The following MCC variants were observed in gnomAD, a reference collection of about 807,000 sequenced individuals.
MCC encodes MCC regulator of Wnt signaling pathway.
MCC carries 90 observed loss-of-function variants against 116.2 expected under a neutral mutation model. That is an observed-to-expected ratio of 0.77 (90% confidence interval 0.65 to 0.92). The LOEUF (loss-of-function observed/expected upper bound fraction) is 0.92, where lower values mean the gene tolerates loss of function less well. Ranked by LOEUF, MCC falls within the 40% of genes least tolerant of loss-of-function variation. The pLI is 0.00. For synonymous variants in MCC, 578 were observed against 510.5 expected (o/e 1.13, Z -1.78); for missense variants, 1,516 against 1,312.2 (o/e 1.16, Z -2.40).
intron 1 of MCC, among the ~76,000 whole-genome samples, chr5:113,446,723 G>A (rs1443845349): frequency 6.6e-6 from 1 of 151,876 alleles, no homozygotes; most frequent in African/African-American, 2.4e-5. Flanking sequence ...CATGCCACAT[G>A]TTCTCACCTA....
At chr5:113,328,509 T>C (rs573238124) in intron 3 of MCC, among the ~76,000 whole-genome samples, 8 of 152,316 alleles carry the variant, frequency 5.3e-5, no homozygotes, top group Admixed American at 5.2e-4. Flanking sequence ...CACTTTTAAG[T>C]CTAGCTGAAA....
rs555450468 is a variant in MCC, at chr5:113,071,334, T to C, written c.1785-100A>G. ...TTCAGGGCAGAAAAGCATGTGAGGA[T>C]GTGGGCCTGTCAGATTAGTAGCTGA... On this transcript the variant is annotated intron_variant, in intron 11 of 18. Transcript: ENST00000408903. 62 of 1,275,786 alleles carry C rather than the reference T, an allele frequency of 4.9e-5. 1 individual carries two copies. In the East Asian group the frequency reaches 1.4e-3, roughly 30 times the overall value. 79.0% of individuals were successfully genotyped at this position (1,275,786 alleles called of 1,614,324 possible).
chr5:113,295,647 C>A (rs1454769385), intron 3 of MCC, among the ~76,000 whole-genome samples: 1 of 152,158 alleles, frequency 6.6e-6, no homozygotes, highest in Non-Finnish European at 1.5e-5. Context: ...ATACCCAGTA[C>A]ACCCCTGGGA....
intron 6 of MCC, among the ~76,000 whole-genome samples, chr5:113,110,007 C>G (rs1431537925): frequency 6.6e-6 from 1 of 151,756 alleles, no homozygotes; most frequent in African/African-American, 2.4e-5. Flanking sequence ...TCTCCAGAGA[C>G]AGGATCTCAT....
intron 2 of MCC, 144 bp from the exon 3 acceptor site, chr5:113,340,874 C>A: frequency 3.0e-6 from 2 of 667,340 alleles, no homozygotes; most frequent in Non-Finnish European, 5.0e-6. Flanking sequence ...GCATGCTAAG[C>A]GCTTTCTCTT....
chr5:113,081,235 A>G (rs550362901), intron 11 of MCC, among the ~76,000 whole-genome samples: 1 of 152,324 alleles, frequency 6.6e-6, no homozygotes, highest in East Asian at 1.9e-4. Flanking sequence ...AGAGATGACA[A>G]TGGAGGTGAG....
intron 3 of MCC, among the ~76,000 whole-genome samples, chr5:113,315,825 C>T (rs1225392083): frequency 6.6e-6 from 1 of 151,988 alleles, no homozygotes; most frequent in Non-Finnish European, 1.5e-5. Flanking sequence ...CTGCAGTGAG[C>T]CATGATCACA....
chr5:113,251,283 G>A (rs769662772), intron 3 of MCC, among the ~76,000 whole-genome samples: 10 of 152,200 alleles, frequency 6.6e-5, no homozygotes, highest in African/African-American at 1.2e-4. Context: ...CACTGTCTGC[G>A]TTTTTTTAAG....
chr5:113,123,267 G>C lies in MCC; in HGVS notation c.885-441C>G, dbSNP rs556186826. On this transcript the variant is annotated intron_variant, in intron 5 of 18. Transcript: ENST00000408903. ...GGGGCTTCCTTCTTGAAGGAGGCTGGAGGTTGGAGATGGGGTTAGAGCTAT... is the reference window on the plus strand; with the variant it reads ...GGGGCTTCCTTCTTGAAGGAGGCTGCAGGTTGGAGATGGGGTTAGAGCTAT... Among the ~76,000 whole-genome samples, 171 of 152,360 alleles carry C rather than the reference G, an allele frequency of 1.1e-3. 1 individual carries two copies. The highest frequency in any genetic ancestry group is 3.9e-3 in the African/African-American group (161 of 41,586).
intron 3 of MCC, among the ~76,000 whole-genome samples, chr5:113,185,683 C>G (rs186814127): frequency 6.6e-6 from 1 of 152,322 alleles, no homozygotes. Context: ...AAACTTCAAC[C>G]TCTCTTGAGT....
chr5:113,043,736 G>A (rs1751885756), intron 16 of MCC, 106 bp from the exon 17 acceptor site: 1 of 752,418 alleles, frequency 1.3e-6, no homozygotes. Flanking sequence ...TGGCAGCAGT[G>A]TGGGCACCGG....
At chr5:113,435,209 T>TGTC in intron 1 of MCC, 1 of 217,198 alleles carries the variant, frequency 4.6e-6, no homozygotes, top group Non-Finnish European at 9.3e-6. Context: ...TGCCCATGCT[T>TGTC]CCAAACCCAG....
chr5:113,357,566 C>T (rs192940960), intron 2 of MCC, among the ~76,000 whole-genome samples: 5 of 152,172 alleles, frequency 3.3e-5, no homozygotes, highest in African/African-American at 9.6e-5. Flanking sequence ...AGGCAGTCTC[C>T]CAATAGACAG....
At chr5:113,074,018 T>C (rs1244817722) in intron 11 of MCC, among the ~76,000 whole-genome samples, 3 of 152,226 alleles carry the variant, frequency 2.0e-5, no homozygotes, top group African/African-American at 7.2e-5. Flanking sequence ...GTCTGACAGC[T>C]ATGAAGAGAG....
chr5:113,327,583 TATAA>T lies in MCC; in HGVS notation c.627+12932_627+12935del, dbSNP rs1218478412. 1.2e-3 allele frequency among the ~76,000 whole-genome samples: 157 copies of T among 128,476 alleles called. 1 individual carries two copies. Among genetic ancestry groups the T allele is most frequent in the Middle Eastern group, 3.8e-3 (1 of 266 alleles). The allele number at this position is 128,476 out of a possible 152,430, so 84.3% of individuals were successfully genotyped here. On this transcript the variant is annotated intron_variant, in intron 3 of 18. Transcript: ENST00000408903. ...AAAAATATATATATATATATATATA[TATAA>T]AAATCTCATCCTCTATGTACTCTTT...
intron 1 of MCC, among the ~76,000 whole-genome samples, chr5:113,486,022 A>T (rs572434466): frequency 6.6e-6 from 1 of 152,340 alleles, no homozygotes; most frequent in East Asian, 1.9e-4. Flanking sequence ...AGAGGGAATC[A>T]TTTAATGCCC....
At position 113,025,399 on chromosome 5, in the gene MCC, G is replaced by C. The variant is rs1327387140; in HGVS notation, c.*1903C>G. The C allele has an allele frequency of 6.6e-6, 1 of 151,880 alleles. No individual in the cohort carries two copies. Among genetic ancestry groups the C allele is most frequent in the African/African-American group, 2.4e-5 (1 of 41,326 alleles). The allele number at this position is 151,880 out of a possible 1,614,324, so 9.4% of individuals were successfully genotyped here. On this transcript the variant is annotated 3_prime_UTR_variant, in exon 19 of 19. Coordinates refer to ENST00000408903, the MANE Select transcript of MCC (RefSeq NM_001085377.2). ...TCCCAGCACTTTGGGAGGCCGAGGT[G>C]GGTGGATCAGTGGTCAGGAGTTCGA...
chr5:113,435,488 C>T (rs1172602732), intron 1 of MCC: 1 of 152,218 alleles, frequency 6.6e-6, no homozygotes, highest in African/African-American at 2.4e-5. Flanking sequence ...AGTGACCCTA[C>T]AGGCTGGCAG....
intron 8 of MCC, among the ~76,000 whole-genome samples, chr5:113,100,204 A>G (rs1431273059): frequency 6.6e-6 from 1 of 152,244 alleles, no homozygotes; most frequent in African/African-American, 2.4e-5. Flanking sequence ...CAAATGAAGA[A>G]GAGTTGATAA....
Sources: allele counts gnomAD v4.1 joint callset (sites outside exome capture counted in the v4.1 genomes callset), GRCh38; gene constraint gnomAD v4.1.1; transcripts MANE v1.5; gene names NCBI Gene and HGNC (gene_info 2026-07-23, HGNC 2026-07-21).